The following RAPGEF2 variants were observed in gnomAD, a reference collection of about 807,000 sequenced individuals.
RAPGEF2 encodes PDZ domain containing guanine nucleotide exchange factor (GEF) 1.
Under a neutral mutation model 186.7 loss-of-function variants are expected in RAPGEF2, and 54 were observed. The ratio of observed to expected loss-of-function variants is 0.29; its 90% confidence interval spans 0.23 to 0.36. The LOEUF is 0.36. RAPGEF2 is among the 10% of genes least tolerant of loss of function. The pLI, the probability that RAPGEF2 is intolerant of heterozygous loss-of-function variation, is 1.00. For missense variants in RAPGEF2, 1,532 were observed against 2,045.0 expected, an observed-to-expected ratio of 0.75 and a Z score of 4.84; for synonymous variants, 712 against 705.9, an observed-to-expected ratio of 1.01 and a Z score of -0.14.
Position 159,353,191 on chromosome 4 carries a change from G to A in RAPGEF2, c.4091+281G>A, listed in dbSNP as rs1731448669. Among the ~76,000 whole-genome samples, 1 of 151,892 alleles carries A rather than the reference G, an allele frequency of 6.6e-6. No homozygotes were observed. The highest frequency in any genetic ancestry group is 2.4e-5 in the African/African-American group (1 of 41,326). ...CCATCCCAGTTGTTTCGTATGAGCT[G>A]CCTTCCTGAAATAATCAAATTATAT... On this transcript the variant is annotated intron_variant, in intron 27 of 29. Coordinates refer to ENST00000691494, the MANE Select transcript of RAPGEF2 (RefSeq NM_001394067.2). The surrounding 1 kb of genome is among the most constrained non-coding windows in gnomAD (Gnocchi z 4.3).
intron 17 of RAPGEF2, among the ~76,000 whole-genome samples, chr4:159,336,055 TAA>T (rs1163005405): frequency 2.0e-5 from 3 of 152,136 alleles, no homozygotes; most frequent in Non-Finnish European, 2.9e-5. Flanking sequence ...TACAGAATAT[TAA>T]CACTTTTAGT....
intron 8 of RAPGEF2, among the ~76,000 whole-genome samples, chr4:159,306,253 A>G (rs1371344766): frequency 6.6e-6 from 1 of 152,158 alleles, no homozygotes; most frequent in Admixed American, 6.5e-5. Flanking sequence ...AATTCTTTCA[A>G]TCCATGAGCA....
At chr4:159,268,369 T>G (rs1036723699) in intron 7 of RAPGEF2, among the ~76,000 whole-genome samples, 3 of 152,148 alleles carry the variant, frequency 2.0e-5, no homozygotes, top group African/African-American at 7.2e-5. Flanking sequence ...TAAAGCTGGC[T>G]TGTTCTTCCA....
intron 1 of RAPGEF2, among the ~76,000 whole-genome samples, chr4:159,104,542 G>GAC (rs1560965028): frequency 3.6e-4 from 47 of 130,064 alleles, no homozygotes; most frequent in South Asian, 5.0e-4. Context: ...GACAGAGAGA[G>GAC]AGAGAGAGAG....
rs1176883156 is a variant in RAPGEF2 at position 159,336,891 on chromosome 4, T to C, written c.2136-1420T>C. On this transcript the variant is annotated intron_variant, in intron 17 of 29. Coordinates refer to ENST00000691494, the MANE Select transcript of RAPGEF2 (RefSeq NM_001394067.2). ...ACCTTAGTTTATATTCCAACTTTAA[T>C]ATAATTTTCCTCTTATTTCAAGGTG... is the stretch of plus-strand genomic sequence containing the variant. Among the ~76,000 whole-genome samples the C allele has an allele frequency of 3.9e-5, 6 of 152,218 alleles. No individual in the cohort carries two copies. In the East Asian group the frequency reaches 1.2e-3, roughly 29 times the overall value.
chr4:159,341,781 C>T lies in RAPGEF2; in HGVS notation c.2752C>T (p.Leu918=), dbSNP rs1489535483. The part of the protein sequence containing the change: ...KLRSKTSCAN[L]KRFEEVINQE... The stretch of plus-strand genomic sequence containing the variant: ...CAGATCAAAAACCAGCTGTGCCAAC[C>T]TGAAGAGATTTGAAGAAGTCATTAA... Residue 918 remains leucine, a synonymous_variant, in exon 20 of 30, where the codon CTG becomes TTG. Coordinates refer to ENST00000691494, the MANE Select transcript of RAPGEF2 (RefSeq NM_001394067.2). 28 of 1,614,004 alleles carry T rather than the reference C, an allele frequency of 1.7e-5. No homozygotes were observed. The highest frequency in any genetic ancestry group is 2.2e-5 in the Non-Finnish European group (26 of 1,179,930).
chr4:159,105,382 T>C (rs1183696558), intron 1 of RAPGEF2, among the ~76,000 whole-genome samples: 4 of 152,230 alleles, frequency 2.6e-5, no homozygotes, highest in Non-Finnish European at 5.9e-5. Flanking sequence ...TATTATTTAC[T>C]GTGGGGAGAG....
At chr4:159,338,857 AC>A (rs771222440) in intron 18 of RAPGEF2, among the ~76,000 whole-genome samples, 13 of 152,198 alleles carry the variant, frequency 8.5e-5, no homozygotes, top group Non-Finnish European at 1.8e-4. Flanking sequence ...TGCCAGCATG[AC>A]AGTCTTGAGT....
intron 9 of RAPGEF2, among the ~76,000 whole-genome samples, chr4:159,318,756 A>G (rs759323607): frequency 1.4e-4 from 22 of 151,902 alleles, no homozygotes; most frequent in Admixed American, 9.8e-4. Context: ...CCGGGTTTTT[A>G]AAAAAAATTA....
At chr4:159,267,791 C>CTTTTTTT (rs200359653) in intron 7 of RAPGEF2, 2 of 564,340 alleles carry the variant, frequency 3.5e-6, no homozygotes, top group Non-Finnish European at 2.2e-6. Flanking sequence ...TAGCTTTTTT[C>CTTTTTTT]TTTTTTTTTT....
At chr4:159,273,663 TTTCTTTC>T (rs1758444907) in intron 7 of RAPGEF2, among the ~76,000 whole-genome samples, 1 of 149,778 alleles carries the variant, frequency 6.7e-6, no homozygotes, top group Admixed American at 6.7e-5. Context: ...TCTTTCTTTC[TTTCTTTC>T]TTTCTTTCTT....
At chr4:159,327,432 G>GGAA (rs1766075709) in intron 11 of RAPGEF2, 2 of 152,298 alleles carry the variant, frequency 1.3e-5, no homozygotes, top group South Asian at 4.1e-4. Flanking sequence ...GGGAGGCCGA[G>GGAA]GCAGGCGGAT....
chr4:159,201,911 A>G (rs78354529), intron 3 of RAPGEF2, among the ~76,000 whole-genome samples: 2,161 of 152,296 alleles, frequency 0.014, 23 homozygotes, highest in Middle Eastern at 0.037. Context: ...CATGTGATCA[A>G]TAGCCCTCGA....
intron 6 of RAPGEF2, 118 bp downstream of exon 6, chr4:159,241,486 A>C: frequency 2.7e-6 from 1 of 376,830 alleles, no homozygotes; most frequent in Middle Eastern, 7.5e-4. Flanking sequence ...ATATACACAC[A>C]CATTAAGTAT....
chr4:159,224,784 A>G (rs1751862243), intron 4 of RAPGEF2, among the ~76,000 whole-genome samples: 1 of 152,216 alleles, frequency 6.6e-6, no homozygotes. Context: ...ACCTTATCTT[A>G]ATGGTCTCTG....
chr4:159,343,964 C>A (rs1729911343), intron 22 of RAPGEF2, 72 bp from the exon 23 acceptor site: 1 of 1,479,160 alleles, frequency 6.8e-7, no homozygotes, highest in East Asian at 2.3e-5. Flanking sequence ...CTAGTCCTTT[C>A]TTTCTGAGCT....
intron 1 of RAPGEF2, among the ~76,000 whole-genome samples, chr4:159,128,440 AG>A (rs1740623180): frequency 6.6e-6 from 1 of 152,174 alleles, no homozygotes; most frequent in Non-Finnish European, 1.5e-5. Context: ...ATGAATGTAA[AG>A]TATTACTATT....
intron 24 of RAPGEF2, among the ~76,000 whole-genome samples, chr4:159,346,501 C>G (rs1360550961): frequency 6.6e-6 from 1 of 152,194 alleles, no homozygotes; most frequent in Non-Finnish European, 1.5e-5. Context: ...ACATATTGAA[C>G]TACCCACATT....
In RAPGEF2 at chr4:159,339,084, A is replaced by C. The variant is rs766950804; in HGVS notation, c.2294-30A>C. 4.4e-6 allele frequency: 7 copies of C among 1,605,790 alleles called. No individual in the cohort carries two copies. In the South Asian group the frequency reaches 7.8e-5, roughly 18 times the overall value. On this transcript the variant is annotated intron_variant, in intron 18 of 29. Transcript: ENST00000691494. ...ATTGCCATATATTAAAATTCTTTCT[A>C]CTTATGTGTGTGATTTTTCTTTCCC...
Sources: gnomAD v4.1 joint callset for allele counts (sites outside exome capture counted in the v4.1 genomes callset) on GRCh38, gnomAD v4.1.1 for gene constraint, Gnocchi (gnomAD v3.1) non-coding constraint, MANE v1.5 for transcripts, NCBI Gene and HGNC (gene_info 2026-07-23, HGNC 2026-07-21) for gene names.